Variants in DNAJB2 observed in about 807,000 individuals in gnomAD.
DNAJB2 encodes dnaJ homolog subfamily B member 2.
Under a neutral mutation model 33.3 loss-of-function variants are expected in DNAJB2, and 19 were observed. The observed-to-expected ratio is 0.57, with a 90% CI of 0.40 to 0.84. The LOEUF (loss-of-function observed/expected upper bound fraction) is 0.84, where lower values mean the gene tolerates loss of function less well. DNAJB2 is among the 40% of genes least tolerant of loss of function. The pLI, the probability that DNAJB2 is intolerant of heterozygous loss-of-function variation, is 0.00. For missense variants in DNAJB2, 368 were observed against 430.9 expected, an observed-to-expected ratio of 0.85 and a Z score of 1.29; for synonymous variants, 172 against 164.6, an observed-to-expected ratio of 1.04 and a Z score of -0.34.
rs1268982046 is a variant in DNAJB2 at position 219,280,641 on chromosome 2, G to A, written c.129G>A (p.Glu43=). Residue 43 remains glutamate (E), a synonymous_variant, in exon 3 of 9, where the codon GAG becomes GAA. Coordinates refer to ENST00000336576, the MANE Select transcript of DNAJB2 (RefSeq NM_006736.6). ...ACCCAGATAATAAAGAGTTTGCTGAGAAGAAATTTAAGGAGGTGGCCGAGG... is the reference window on the plus strand; with the variant it reads ...ACCCAGATAATAAAGAGTTTGCTGAAAAGAAATTTAAGGAGGTGGCCGAGG... ...DKNPDNKEFA[E]KKFKEVAEAY... 1 of 1,614,146 alleles carries A rather than the reference G, an allele frequency of 6.2e-7. No individual in the cohort carries two copies. Among genetic ancestry groups the A allele is most frequent in the Non-Finnish European group, 8.5e-7 (1 of 1,180,014 alleles).
intron 5 of DNAJB2, 168 bp downstream of exon 5, chr2:219,282,229 G>C (rs1000101079): frequency 2.1e-6 from 2 of 973,744 alleles, no homozygotes; most frequent in African/African-American, 1.6e-5. Context: ...CCTCACGTGT[G>C]CCAGAACCCC....
intron 8 of DNAJB2, 51 bp from the exon 9 acceptor site, chr2:219,284,581 G>C (rs774218044): frequency 1.3e-6 from 2 of 1,535,218 alleles, no homozygotes; most frequent in East Asian, 2.3e-5. Context: ...CAGCCTGGCA[G>C]TAATACCCCT....
rs1248458657 is a variant in DNAJB2, at chr2:219,284,774, C to T, written c.762C>T (p.Asp254=). Residue 254 remains aspartate (D), a synonymous_variant, in exon 9 of 9, where the codon GAC becomes GAT. Transcript: ENST00000336576. ...ACAGCGACCTCTCTGAGGATGAGGA[C>T]CTGCAGCTGGCCATGGCCTACAGCC... The part of the protein sequence containing the change: ...PLDSDLSEDE[D]LQLAMAYSLS... The T allele has an allele frequency of 6.2e-7, 1 of 1,613,382 alleles. No individual in the cohort carries two copies. The highest frequency in any genetic ancestry group is 8.5e-7 in the Non-Finnish European group (1 of 1,179,868).
Position 219,285,641 on chromosome 2 carries a change from G to A in DNAJB2, c.*654G>A, listed in dbSNP as rs1022873055. The A allele has an allele frequency of 1.6e-5, 18 of 1,127,188 alleles. No homozygotes were observed. Among genetic ancestry groups the A allele is most frequent in the African/African-American group, 9.6e-5 (6 of 62,482 alleles). The allele number at this position is 1,127,188 out of a possible 1,614,324, so 69.8% of individuals were successfully genotyped here. A position where few individuals can be genotyped will look rare whatever the true frequency, so the allele number is the denominator to read the frequency against. ...ATGTGGCGAGGAAGATGCTGGGGCCGGTAGGGCTGTGAGATCTTCTGGGGA... is the reference window on the plus strand; with the variant it reads ...ATGTGGCGAGGAAGATGCTGGGGCCAGTAGGGCTGTGAGATCTTCTGGGGA... On this transcript the variant is annotated 3_prime_UTR_variant, in exon 9 of 9. Coordinates refer to ENST00000336576, the MANE Select transcript of DNAJB2 (RefSeq NM_006736.6).
In DNAJB2 at chr2:219,286,207, T is replaced by C; in HGVS notation, c.*1220T>C. ...GTGTTTGGTGCTGGCTCCTGGGGAC[T>C]ACAAATCCCAGAGTGCGGTGTGCCC... On this transcript the variant is annotated 3_prime_UTR_variant, in exon 9 of 9. Coordinates refer to ENST00000336576, the MANE Select transcript of DNAJB2 (RefSeq NM_006736.6). 1 of 593,026 alleles carries C rather than the reference T, an allele frequency of 1.7e-6. No homozygotes were observed. The highest frequency in any genetic ancestry group is 2.7e-5 in the South Asian group (1 of 37,504). 36.7% of individuals were successfully genotyped at this position (593,026 alleles called of 1,614,324 possible).
At position 219,284,992 on chromosome 2, in the gene DNAJB2, CG is replaced by C. The variant is rs1559287677; in HGVS notation, c.*8del. 14 of 1,487,092 alleles carry C rather than the reference CG, an allele frequency of 9.4e-6. No individual in the cohort carries two copies. The highest frequency in any genetic ancestry group is 3.6e-4 in the Middle Eastern group (2 of 5,570). 92.1% of individuals were successfully genotyped at this position (1,487,092 alleles called of 1,614,324 possible). On this transcript the variant is annotated 3_prime_UTR_variant, in exon 9 of 9. Transcript: ENST00000336576. ...TCTCGCTGCCTCATCCTCTGAACAC[CG>C]GGCCCAACCTGATCTGATCCAGATC...
chr2:219,283,406 C>T lies in DNAJB2; in HGVS notation c.549-13C>T. 3 of 1,613,350 alleles carry T rather than the reference C, an allele frequency of 1.9e-6. No homozygotes were observed. Among genetic ancestry groups the T allele is most frequent in the Middle Eastern group, 1.6e-4 (1 of 6,062 alleles). On this transcript the variant is annotated splice_polypyrimidine_tract_variant and intron_variant, in intron 7 of 8. Coordinates refer to ENST00000336576, the MANE Select transcript of DNAJB2 (RefSeq NM_006736.6). ...GTCACTGCTCGTTGCCTGAACTGTGCTGTCTCCCACAGAATCATGGAGAAC... is the reference window on the plus strand; with the variant it reads ...GTCACTGCTCGTTGCCTGAACTGTGTTGTCTCCCACAGAATCATGGAGAAC...
At position 219,285,744 on chromosome 2, in the gene DNAJB2, T is replaced by A; in HGVS notation, c.*757T>A. ...CCCACTCCTCCTCCCTCTCGTTGCC[T>A]CAGCCTGCCCTCACCCTCAGGACTA... On this transcript the variant is annotated 3_prime_UTR_variant, in exon 9 of 9. Coordinates refer to ENST00000336576, the MANE Select transcript of DNAJB2 (RefSeq NM_006736.6). The A allele has an allele frequency of 7.8e-7, 1 of 1,276,440 alleles. No homozygotes were observed. The highest frequency in any genetic ancestry group is 9.9e-7 in the Non-Finnish European group (1 of 1,006,854). The allele number at this position is 1,276,440 out of a possible 1,614,324, so 79.1% of individuals were successfully genotyped here.
At chr2:219,283,615 C>A in intron 8 of DNAJB2, 126 bp downstream of exon 8, 1 of 936,068 alleles carries the variant, frequency 1.1e-6, no homozygotes, top group Non-Finnish European at 1.6e-6. Context: ...ACAGGCCAGA[C>A]TGGTAGGATC....
At chr2:219,284,477 C>G (rs1951935549) in intron 8 of DNAJB2, among the ~76,000 whole-genome samples, 155 bp from the exon 9 acceptor site, 1 of 152,206 alleles carries the variant, frequency 6.6e-6, no homozygotes, top group Admixed American at 6.5e-5. Flanking sequence ...TGAATACTTC[C>G]TTGTGCTCAA....
At chr2:219,281,918 C>G (rs146284616) in intron 4 of DNAJB2, 21 bp from the exon 5 acceptor site, 4 of 1,613,602 alleles carry the variant, frequency 2.5e-6, no homozygotes, top group Non-Finnish European at 2.5e-6. Context: ...CCTAAGCTCT[C>G]TCCTCATCCT....
Position 219,283,400 on chromosome 2 carries a change from A to G in DNAJB2, c.549-19A>G, listed in dbSNP as rs1951924714. On this transcript the variant is annotated intron_variant, in intron 7 of 8. Transcript: ENST00000336576. ...GATTCTGTCACTGCTCGTTGCCTGA[A>G]CTGTGCTGTCTCCCACAGAATCATG... 1 of 1,613,218 alleles carries G rather than the reference A, an allele frequency of 6.2e-7. No homozygotes were observed.
rs73079148 is a variant in DNAJB2 at position 219,283,558 on chromosome 2, C to T, written c.619+69C>T. 2,885 of 1,479,160 alleles carry T rather than the reference C, an allele frequency of 2.0e-3. 51 individuals carry two copies. In the African/African-American group the frequency reaches 0.034, roughly 18 times the overall value. The allele number at this position is 1,479,160 out of a possible 1,614,324, so 91.6% of individuals were successfully genotyped here. A position where few individuals can be genotyped will look rare whatever the true frequency, so the allele number is the denominator to read the frequency against. Reference sequence around the variant, plus strand: ...GCCCCAACCTCAGCAGCCTCCTCCCCAAACTGCTGCTCTCTGAACTCACTT... The same window carrying T: ...GCCCCAACCTCAGCAGCCTCCTCCCTAAACTGCTGCTCTCTGAACTCACTT... On this transcript the variant is annotated intron_variant, in intron 8 of 8. Coordinates refer to ENST00000336576, the MANE Select transcript of DNAJB2 (RefSeq NM_006736.6).
rs755769067 is a variant in DNAJB2, at chr2:219,283,464, G to A, written c.594G>A (p.Gly198=). Reference sequence around the variant, plus strand: ...AGCGGGTGGAAGTGGAGGAGGATGGGCAGCTGAAGTCAGTCACAATCAATG... The same window carrying A: ...AGCGGGTGGAAGTGGAGGAGGATGGACAGCTGAAGTCAGTCACAATCAATG... ...GQERVEVEED[G]QLKSVTINGV... Residue 198 remains glycine (G), a synonymous_variant, in exon 8 of 9, where the codon GGG becomes GGA. Transcript: ENST00000336576. 6.2e-7 allele frequency: 1 copy of A among 1,614,076 alleles called. No homozygotes were observed. The highest frequency in any genetic ancestry group is 1.7e-5 in the Admixed American group (1 of 60,004).
At position 219,279,518 on chromosome 2, in the gene DNAJB2, G is replaced by A. The variant is rs1951884233; in HGVS notation, c.-37G>A. 2 of 285,216 alleles carry A rather than the reference G, an allele frequency of 7.0e-6. No homozygotes were observed. The highest frequency in any genetic ancestry group is 1.3e-5 in the Non-Finnish European group (2 of 150,216). 17.7% of individuals were successfully genotyped at this position (285,216 alleles called of 1,614,324 possible). A position where few individuals can be genotyped will look rare whatever the true frequency, so the allele number is the denominator to read the frequency against. On this transcript the variant is annotated splice_region_variant and 5_prime_UTR_variant, in exon 1 of 9. Transcript: ENST00000336576. The surrounding 1 kb of genome is among the most constrained non-coding windows in gnomAD (Gnocchi z 4.9). ...GGAGGCCGGGACTCCTGGCGGAGGA[G>A]GTGCGGCCGGGGGCCCGGGTCAGGC...
intron 2 of DNAJB2, 154 bp downstream of exon 2, chr2:219,280,052 G>C: frequency 1.3e-6 from 1 of 748,690 alleles, no homozygotes. Flanking sequence ...GGAGGAAAGA[G>C]ACCCCTGGTA....
Position 219,286,127 on chromosome 2 carries a change from G to GGGC in DNAJB2, c.*1140_*1141insGGC. 1 of 861,120 alleles carries GGGC rather than the reference G, an allele frequency of 1.2e-6. No individual in the cohort carries two copies. The highest frequency in any genetic ancestry group is 2.6e-5 in the Admixed American group (1 of 37,880). The allele number at this position is 861,120 out of a possible 1,614,324, so 53.3% of individuals were successfully genotyped here. A position where few individuals can be genotyped will look rare whatever the true frequency, so the allele number is the denominator to read the frequency against. On this transcript the variant is annotated 3_prime_UTR_variant, in exon 9 of 9. Transcript: ENST00000336576. The stretch of plus-strand genomic sequence containing the variant: ...TGTAGAGCCGGGGCCTGGGTGGCGG[G>GGGC]TGGGGGCCGGGTGGGAGGTGGCAGT...
At chr2:219,282,674 G>T in intron 5 of DNAJB2, 163 bp from the exon 6 acceptor site, 2 of 576,544 alleles carry the variant, frequency 3.5e-6, no homozygotes, top group South Asian at 3.3e-5. Flanking sequence ...GAGTGTTTTC[G>T]AATTCAACAT....
At chr2:219,281,642 A>G in intron 3 of DNAJB2, 76 bp from the exon 4 acceptor site, 1 of 1,594,208 alleles carries the variant, frequency 6.3e-7, no homozygotes, top group Non-Finnish European at 8.6e-7. Context: ...GTCTCTGGAC[A>G]ATCCTTTGAA....
Sources: gnomAD v4.1 joint callset for allele counts (sites outside exome capture counted in the v4.1 genomes callset) on GRCh38, gnomAD v4.1.1 for gene constraint, Gnocchi (gnomAD v3.1) non-coding constraint, MANE v1.5 for transcripts, NCBI Gene and HGNC (gene_info 2026-07-23, HGNC 2026-07-21) for gene names.